The following CFAP61 variants were observed in gnomAD, a reference collection of about 807,000 sequenced individuals.
CFAP61 encodes cilia and flagella associated protein 61.
CFAP61 carries 107 observed loss-of-function variants against 135.6 expected under a neutral mutation model. The observed-to-expected ratio is 0.79, with a 90% CI of 0.67 to 0.93. CFAP61 has a LOEUF of 0.93. Among genes scored for constraint, CFAP61 ranks in the 40% least tolerant of loss-of-function variants. The pLI is 0.00. For synonymous variants in CFAP61, 575 were observed against 578.5 expected, an observed-to-expected ratio of 0.99 and a Z score of 0.09; for missense variants, 1,507 against 1,556.2, an observed-to-expected ratio of 0.97 and a Z score of 0.53.
chr20:20,334,165 C>T (rs762328880), intron 25 of CFAP61, among the ~76,000 whole-genome samples: 2 of 152,122 alleles, frequency 1.3e-5, no homozygotes, highest in South Asian at 2.1e-4. Context: ...CTCGCTCTGT[C>T]GCCCAGGCTA....
intron 13 of CFAP61, among the ~76,000 whole-genome samples, chr20:20,169,787 G>A (rs1262256830): frequency 6.6e-6 from 1 of 152,190 alleles, no homozygotes; most frequent in Non-Finnish European, 1.5e-5. Context: ...TTGTATGTGA[G>A]TGTGTGTATA....
At chr20:20,111,376 AG>A (rs1230743053) in intron 8 of CFAP61, among the ~76,000 whole-genome samples, 1 of 152,138 alleles carries the variant, frequency 6.6e-6, no homozygotes, top group Non-Finnish European at 1.5e-5. Context: ...CCTTTTCTCA[AG>A]GTCCCCCAAA....
intron 25 of CFAP61, among the ~76,000 whole-genome samples, chr20:20,305,110 C>T (rs969188320): frequency 1.3e-5 from 2 of 151,194 alleles, no homozygotes; most frequent in African/African-American, 4.9e-5. Flanking sequence ...GCCCTCGCGC[C>T]CGCGCCACCA....
chr20:20,290,145 C>T (rs1279459064), intron 23 of CFAP61, among the ~76,000 whole-genome samples, 155 bp from the exon 24 acceptor site: 1 of 152,206 alleles, frequency 6.6e-6, no homozygotes, highest in Non-Finnish European at 1.5e-5. Context: ...GTCAACCACC[C>T]CAGGGAGTTC....
intron 18 of CFAP61, among the ~76,000 whole-genome samples, chr20:20,232,511 C>T (rs898804777): frequency 3.9e-5 from 6 of 152,036 alleles, no homozygotes; most frequent in African/African-American, 1.4e-4. Flanking sequence ...CCTGTGAGTT[C>T]GTTAGAAATG....
intron 2 of CFAP61, among the ~76,000 whole-genome samples, chr20:20,058,925 G>A (rs980370355): frequency 1.5e-4 from 23 of 152,142 alleles, no homozygotes; most frequent in Admixed American, 1.2e-3. Context: ...GAATCAACAA[G>A]AGAAATTATA....
At chr20:20,088,418 G>C (rs2046955043) in intron 6 of CFAP61, among the ~76,000 whole-genome samples, 1 of 152,092 alleles carries the variant, frequency 6.6e-6, no homozygotes, top group African/African-American at 2.4e-5. Flanking sequence ...TGGTGGAAGG[G>C]GAAGCAAACA....
At chr20:20,279,446 A>G (rs1374359072) in intron 22 of CFAP61, among the ~76,000 whole-genome samples, 2 of 152,200 alleles carry the variant, frequency 1.3e-5, no homozygotes, top group Non-Finnish European at 2.9e-5. Flanking sequence ...AGAAAAGAAA[A>G]TGTTATTAAG....
chr20:20,124,377 G>T lies in CFAP61; in HGVS notation c.860-18480G>T, dbSNP rs1021596260. Among the ~76,000 whole-genome samples the T allele has an allele frequency of 2.0e-5, 3 of 151,748 alleles. 1 individual carries two copies. Among genetic ancestry groups the T allele is most frequent in the African/African-American group, 7.3e-5 (3 of 41,078 alleles). ...TCAATATCATGTTGGCTGTGGGTTT[G>T]TCATAGATAGCTTTTATTACATTGA... On this transcript the variant is annotated intron_variant, in intron 8 of 26. Transcript: ENST00000245957.
intron 6 of CFAP61, chr20:20,085,361 C>T: frequency 7.6e-7 from 1 of 1,312,558 alleles, no homozygotes; most frequent in Non-Finnish European, 1.0e-6. Context: ...TGATGTCATA[C>T]TTTATCATTA....
At chr20:20,224,494 A>T (rs2048595934) in intron 17 of CFAP61, among the ~76,000 whole-genome samples, 1 of 151,408 alleles carries the variant, frequency 6.6e-6, no homozygotes, top group Admixed American at 6.6e-5. Context: ...ACTTTAAGGA[A>T]TTTTTTTTTA....
At chr20:20,289,512 T>C (rs922219705) in intron 23 of CFAP61, among the ~76,000 whole-genome samples, 2 of 152,208 alleles carry the variant, frequency 1.3e-5, no homozygotes, top group African/African-American at 4.8e-5. Context: ...GTTGTGGACC[T>C]TTTACCAGAA....
intron 14 of CFAP61, among the ~76,000 whole-genome samples, chr20:20,190,696 A>G (rs1235056506): frequency 1.3e-5 from 2 of 152,192 alleles, no homozygotes; most frequent in East Asian, 3.9e-4. Context: ...AGTGTACAAG[A>G]AATTTCTGTT....
chr20:20,304,223 C>T (rs1305997841), intron 25 of CFAP61, among the ~76,000 whole-genome samples: 5 of 150,782 alleles, frequency 3.3e-5, no homozygotes, highest in African/African-American at 1.2e-4. Context: ...AGTACCAGTA[C>T]AAACCATTGG....
chr20:20,219,847 G>A lies in CFAP61; in HGVS notation c.1933-8402G>A, dbSNP rs148969133. 1.7e-3 allele frequency among the ~76,000 whole-genome samples: 261 copies of A among 152,198 alleles called. 2 individuals carry two copies. Among genetic ancestry groups the A allele is most frequent in the African/African-American group, 6.1e-3 (252 of 41,510 alleles). On this transcript the variant is annotated intron_variant, in intron 17 of 26. Transcript: ENST00000245957. ...ATTTGGTCTCTGTCCCCAGCTCCTGGTCAGAGCTCCTGAAACACTTGTACC... is the reference window on the plus strand; with the variant it reads ...ATTTGGTCTCTGTCCCCAGCTCCTGATCAGAGCTCCTGAAACACTTGTACC...
At chr20:20,188,296 A>T (rs1489309620) in intron 14 of CFAP61, among the ~76,000 whole-genome samples, 5 of 152,230 alleles carry the variant, frequency 3.3e-5, no homozygotes, top group Non-Finnish European at 5.9e-5. Context: ...TCTCAGGAAG[A>T]TAGAAAATTT....
intron 13 of CFAP61, chr20:20,172,171 G>C: frequency 1.2e-6 from 1 of 859,102 alleles, no homozygotes; most frequent in Non-Finnish European, 1.4e-6. Context: ...TTTTTATCTT[G>C]TGTATGTATA....
At chr20:20,137,580 G>T (rs1287220067) in intron 8 of CFAP61, among the ~76,000 whole-genome samples, 1 of 152,154 alleles carries the variant, frequency 6.6e-6, no homozygotes, top group Non-Finnish European at 1.5e-5. Context: ...GTTCACTAAA[G>T]GCCCAAGGGC....
At chr20:20,323,966 T>A (rs1298585577) in intron 25 of CFAP61, among the ~76,000 whole-genome samples, 1 of 152,132 alleles carries the variant, frequency 6.6e-6, no homozygotes, top group Non-Finnish European at 1.5e-5. Context: ...CTGGATAGAG[T>A]TCTACCATAC....
Sources: gnomAD v4.1 joint callset for allele counts (sites outside exome capture counted in the v4.1 genomes callset) on GRCh38, gnomAD v4.1.1 for gene constraint, MANE v1.5 for transcripts, NCBI Gene and HGNC (gene_info 2026-07-23, HGNC 2026-07-21) for gene names.